DYNC1I2: variants seen among roughly 807,000 people sequenced by gnomAD.
DYNC1I2 encodes dynein cytoplasmic 1 intermediate chain 2.
DYNC1I2 carries 53 observed loss-of-function variants against 88.6 expected under a neutral mutation model. That is an observed-to-expected ratio of 0.60 (90% CI 0.48 to 0.75). The LOEUF is 0.75. Ranked by LOEUF, DYNC1I2 falls within the 30% of genes least tolerant of loss-of-function variation. The pLI is 0.00. For missense variants in DYNC1I2, 458 were observed against 766.6 expected, an observed-to-expected ratio of 0.60 and a Z score of 4.75; for synonymous variants, 198 against 254.6, an observed-to-expected ratio of 0.78 and a Z score of 2.12.
In DYNC1I2 at chr2:171,748,783, T is replaced by C. The variant is rs890344587; in HGVS notation, c.*894T>C. On this transcript the variant is annotated 3_prime_UTR_variant, in exon 18 of 18. Coordinates refer to ENST00000397119, the MANE Select transcript of DYNC1I2 (RefSeq NM_001378.3). ...TCTTTGAGAGAAATTGATTTCATGA[T>C]TTCAGTAGCCATAAAGGCAAAGTGC... is the stretch of plus-strand genomic sequence containing the variant. Among the ~76,000 whole-genome samples, 24 of 152,222 alleles carry C rather than the reference T, an allele frequency of 1.6e-4. No individual in the cohort carries two copies. The highest frequency in any genetic ancestry group is 5.8e-4 in the African/African-American group (24 of 41,454).
At chr2:171,713,103 ACTT>A (rs922446597) in intron 6 of DYNC1I2, among the ~76,000 whole-genome samples, 7 of 152,036 alleles carry the variant, frequency 4.6e-5, no homozygotes, top group Non-Finnish European at 8.8e-5. Flanking sequence ...AACTTCTCAG[ACTT>A]CTTCTAATAT....
At chr2:171,741,512 G>A (rs1048724041) in intron 15 of DYNC1I2, among the ~76,000 whole-genome samples, 3 of 152,166 alleles carry the variant, frequency 2.0e-5, no homozygotes, top group African/African-American at 7.2e-5. Flanking sequence ...TTCCTCTCAC[G>A]ACTAATGATG....
intron 7 of DYNC1I2, among the ~76,000 whole-genome samples, chr2:171,715,995 A>G (rs754791392): frequency 6.6e-6 from 1 of 152,126 alleles, no homozygotes; most frequent in Admixed American, 6.5e-5. Context: ...GCACAGACCT[A>G]TTGAATGTGG....
At position 171,707,269 on chromosome 2, in the gene DYNC1I2, GTC is replaced by G. The variant is rs1200752534; in HGVS notation, c.245-16_245-15del. On this transcript the variant is annotated splice_polypyrimidine_tract_variant and intron_variant, in intron 4 of 17. Transcript: ENST00000397119. ...CTCCGTGTAGTAACAGCGGATACCT[GTC>G]TATTTCACTATTTAGTCCCTCCTCC... 4 of 1,613,522 alleles carry G rather than the reference GTC, an allele frequency of 2.5e-6. No individual in the cohort carries two copies. In the Admixed American group the frequency reaches 6.7e-5, roughly 27 times the overall value.
chr2:171,690,808 C>T (rs1372601387), intron 2 of DYNC1I2, among the ~76,000 whole-genome samples: 1 of 151,934 alleles, frequency 6.6e-6, no homozygotes, highest in Non-Finnish European at 1.5e-5. Flanking sequence ...GCACATGTCA[C>T]TATGCTAGGC....
chr2:171,725,598 GTTTT>G lies in DYNC1I2; in HGVS notation c.512-7_512-4del. The G allele has an allele frequency of 8.5e-5, 76 of 893,672 alleles. No homozygotes were observed. Among genetic ancestry groups the G allele is most frequent in the East Asian group, 1.7e-4 (5 of 29,010 alleles). The allele number at this position is 893,672 out of a possible 1,614,324, so 55.4% of individuals were successfully genotyped here. On this transcript the variant is annotated splice_polypyrimidine_tract_variant and intron_variant, in intron 7 of 17. Transcript: ENST00000397119. ...ATTCTGTTTTTTTGTTTTTTTGTTT[GTTTT>G]TTTTTTTTTTTTCAGATGAAGAGGA...
chr2:171,722,398 T>A (rs1160360065), intron 7 of DYNC1I2, among the ~76,000 whole-genome samples: 6 of 152,156 alleles, frequency 3.9e-5, no homozygotes, highest in Non-Finnish European at 8.8e-5. Context: ...GTTTATAACC[T>A]TAGATTCCTT....
At chr2:171,727,791 C>G in intron 11 of DYNC1I2, 30 bp from the exon 12 acceptor site, 1 of 1,596,492 alleles carries the variant, frequency 6.3e-7, no homozygotes, top group Non-Finnish European at 8.5e-7. Flanking sequence ...CCATTTGAAT[C>G]TCAAGTATAA....
intron 4 of DYNC1I2, 108 bp from the exon 5 acceptor site, chr2:171,707,179 G>GTT (rs529764974): frequency 6.6e-7 from 1 of 1,521,592 alleles, no homozygotes; most frequent in African/African-American, 1.4e-5. Context: ...GTTTGCCATT[G>GTT]TTTTTTTCTT....
intron 15 of DYNC1I2, among the ~76,000 whole-genome samples, chr2:171,734,742 T>A (rs919189295): frequency 3.9e-5 from 6 of 152,228 alleles, no homozygotes; most frequent in Non-Finnish European, 8.8e-5. Context: ...TGAATACTTT[T>A]ATATTTGGCC....
intron 1 of DYNC1I2, among the ~76,000 whole-genome samples, chr2:171,689,006 T>TA (rs1042657409): frequency 2.2e-3 from 317 of 146,824 alleles, no homozygotes; most frequent in African/African-American, 3.2e-3. Context: ...CTAGGCTACT[T>TA]AAAAAAAAAA....
intron 3 of DYNC1I2, 140 bp downstream of exon 3, chr2:171,693,034 CTT>C: frequency 1.4e-6 from 1 of 705,366 alleles, no homozygotes; most frequent in East Asian, 2.8e-5. Flanking sequence ...TTGGAATTGT[CTT>C]TTTTTCAGAT....
At chr2:171,716,214 G>T (rs906322328) in intron 7 of DYNC1I2, among the ~76,000 whole-genome samples, 15 of 152,000 alleles carry the variant, frequency 9.9e-5, no homozygotes, top group African/African-American at 3.6e-4. Context: ...TTCAGATTAT[G>T]TAAAAGTAAT....
intron 3 of DYNC1I2, among the ~76,000 whole-genome samples, chr2:171,695,440 G>T (rs549103989): frequency 6.6e-6 from 1 of 151,946 alleles, no homozygotes; most frequent in South Asian, 2.1e-4. Flanking sequence ...ATTATCCTCT[G>T]TTTTTCAAGG....
chr2:171,725,218 G>A (rs1688157729), intron 7 of DYNC1I2, among the ~76,000 whole-genome samples: 1 of 152,188 alleles, frequency 6.6e-6, no homozygotes. Context: ...GCATTAATGT[G>A]TCAGCATGCT....
At chr2:171,720,917 A>G (rs940648373) in intron 7 of DYNC1I2, among the ~76,000 whole-genome samples, 5 of 152,040 alleles carry the variant, frequency 3.3e-5, no homozygotes, top group Non-Finnish European at 5.9e-5. Flanking sequence ...GAAAAATATA[A>G]TATTTGATGA....
intron 7 of DYNC1I2, among the ~76,000 whole-genome samples, chr2:171,717,305 G>C (rs1040284206): frequency 1.4e-4 from 22 of 151,910 alleles, no homozygotes; most frequent in Admixed American, 1.4e-3. Context: ...AGTAGAGATA[G>C]GGTTTCACCA....
intron 15 of DYNC1I2, among the ~76,000 whole-genome samples, chr2:171,730,333 T>A (rs1386953306): frequency 6.6e-6 from 1 of 152,248 alleles, no homozygotes; most frequent in African/African-American, 2.4e-5. Context: ...TGTAGTAAAC[T>A]GGAATCCTTA....
rs902656761 is a variant in DYNC1I2, at chr2:171,694,777, C to T, written c.226+1883C>T. Reference sequence around the variant, plus strand: ...CTAATCATGGCAGAAGGCAAAGGGGCGTCAGCATGTCTCATGCAGTGAGCA... The same window carrying T: ...CTAATCATGGCAGAAGGCAAAGGGGTGTCAGCATGTCTCATGCAGTGAGCA... On this transcript the variant is annotated intron_variant, in intron 3 of 17. Coordinates refer to ENST00000397119, the MANE Select transcript of DYNC1I2 (RefSeq NM_001378.3). Among the ~76,000 whole-genome samples the T allele has an allele frequency of 5.9e-5, 9 of 152,236 alleles. No homozygotes were observed. In the South Asian group the frequency reaches 6.2e-4, roughly 11 times the overall value.
Sources: gnomAD v4.1 joint callset for allele counts (sites outside exome capture counted in the v4.1 genomes callset) on GRCh38, gnomAD v4.1.1 for gene constraint, MANE v1.5 for transcripts, NCBI Gene and HGNC (gene_info 2026-07-23, HGNC 2026-07-21) for gene names.